The following SGCD variants were observed in gnomAD, a reference collection of about 807,000 sequenced individuals.
SGCD encodes the protein sarcoglycan delta, also known as delta-sarcoglycan.
SGCD carries 18 observed loss-of-function variants against 36.6 expected under a neutral mutation model. The observed-to-expected ratio is 0.49, with a 90% CI of 0.34 to 0.73. The LOEUF is 0.73. Among genes scored for constraint, SGCD ranks in the 30% least tolerant of loss-of-function variants. The probability of loss-of-function intolerance (pLI) is 0.01; values close to 1 mark genes in which losing one functional copy is unlikely to be tolerated. For missense variants in SGCD, 387 were observed against 346.7 expected (o/e 1.12, Z -0.92); for synonymous variants, 133 against 130.6 (o/e 1.02, Z -0.12).
At chr5:155,854,492 GA>G in the SGCD span, among the ~76,000 whole-genome samples, 2 of 152,014 alleles carry the variant, frequency 1.3e-5, no homozygotes, top group Non-Finnish European at 1.5e-5. Flanking sequence ...AATTTCTATG[GA>G]AAATTTGCCT....
At chr5:156,337,946 G>A (rs1463445800) in intron 2 of SGCD, among the ~76,000 whole-genome samples, 1 of 152,114 alleles carries the variant, frequency 6.6e-6, no homozygotes, top group African/African-American at 2.4e-5. Flanking sequence ...TGCACTCACA[G>A]CACCTACCCC....
At chr5:155,999,504 G>T (rs932541429) in intron 1 of SGCD, among the ~76,000 whole-genome samples, 2 of 152,134 alleles carry the variant, frequency 1.3e-5, no homozygotes, top group Non-Finnish European at 2.9e-5. Flanking sequence ...TATTTATCAA[G>T]AACTTATTCT....
At chr5:156,110,659 T>TAA (rs567366065) in intron 1 of SGCD, among the ~76,000 whole-genome samples, 1 of 146,296 alleles carries the variant, frequency 6.8e-6, no homozygotes, top group Non-Finnish European at 1.5e-5. Flanking sequence ...ACTGGCAACT[T>TAA]AAAAAAAAAA....
chr5:156,383,008 GC>G (rs1347415407), intron 3 of SGCD, among the ~76,000 whole-genome samples: 1 of 152,104 alleles, frequency 6.6e-6, no homozygotes, highest in African/African-American at 2.4e-5. Context: ...TGACCATCAG[GC>G]AATTTTATAA....
At position 156,423,323 on chromosome 5, in the gene SGCD, T is replaced by TATTTTATTATAATATAATATATTATA. The variant is rs1773475235; in HGVS notation, c.192+78663_192+78688dup. ...TAATATATTTTATTATAATATAATA[T>TATTTTATTATAATATAATATATTATA]ATTTTATTATAATATAATATATTAT... On this transcript the variant is annotated intron_variant, in intron 3 of 8. Coordinates refer to ENST00000337851, the MANE Select transcript of SGCD (RefSeq NM_000337.6). 5.9e-5 allele frequency among the ~76,000 whole-genome samples: 4 copies of TATTTTATTATAATATAATATATTATA among 68,210 alleles called. No individual in the cohort carries two copies. In the East Asian group the frequency reaches 1.6e-3, roughly 26 times the overall value. 44.7% of individuals were successfully genotyped at this position (68,210 alleles called of 152,430 possible). A position where few individuals can be genotyped will look rare whatever the true frequency, so the allele number is the denominator to read the frequency against.
Position 156,083,081 on chromosome 5 carries a change from T to A in SGCD, c.-281-34797T>A, listed in dbSNP as rs1196165527. 2.0e-5 allele frequency among the ~76,000 whole-genome samples: 3 copies of A among 152,194 alleles called. No individual in the cohort carries two copies. The East Asian group carries it at 5.8e-4, about 29-fold the overall frequency. On this transcript the variant is annotated intron_variant, in intron 1 of 9. Coordinates refer to the SGCD transcript ENST00000517913. ...TGTATATCTTCTCTGGTGAAATGTC[T>A]GTTTATGTCTTTTGCCCATTCTCTA...
intron 3 of SGCD, among the ~76,000 whole-genome samples, chr5:156,357,163 C>A (rs527868882): frequency 2.0e-5 from 3 of 152,298 alleles, no homozygotes; most frequent in East Asian, 1.9e-4. Context: ...GCAGTCACCA[C>A]ACCTGTATTG....
At chr5:155,918,109 T>C (rs180772575) in intron 1 of SGCD, among the ~76,000 whole-genome samples, 1 of 152,340 alleles carries the variant, frequency 6.6e-6, no homozygotes, top group East Asian at 1.9e-4. Flanking sequence ...TTCTTTTTCG[T>C]ATTTCACCTT....
chr5:156,677,593 C>T (rs896859682), intron 7 of SGCD, among the ~76,000 whole-genome samples: 5 of 151,920 alleles, frequency 3.3e-5, no homozygotes, highest in South Asian at 4.2e-4. Flanking sequence ...ATGTAAATGA[C>T]GAGTTAATGG....
In SGCD at chr5:155,953,046, CT is replaced by C. The variant is rs531179552; in HGVS notation, c.-282+82629del. Among the ~76,000 whole-genome samples the C allele has an allele frequency of 1.8e-4, 27 of 152,182 alleles. No individual in the cohort carries two copies. The East Asian group carries it at 5.0e-3, about 28-fold the overall frequency. On this transcript the variant is annotated intron_variant, in intron 1 of 9. Transcript: ENST00000517913. ...CACCACAGAAATATGCACAGAAAGGCTTTTTTTAATTCTGTGTTCATTTTTC... is the reference window on the plus strand; with the variant it reads ...CACCACAGAAATATGCACAGAAAGGCTTTTTTAATTCTGTGTTCATTTTTC...
At chr5:155,898,398 G>T (rs985031093) in intron 1 of SGCD, among the ~76,000 whole-genome samples, 3 of 152,132 alleles carry the variant, frequency 2.0e-5, no homozygotes, top group Non-Finnish European at 4.4e-5. Flanking sequence ...CTCTCAGCTG[G>T]ATAGTATGCT....
intron 3 of SGCD, among the ~76,000 whole-genome samples, chr5:156,494,339 T>TA (rs1756083168): frequency 6.6e-6 from 1 of 151,186 alleles, no homozygotes. Context: ...CCTCCTATTT[T>TA]TTTTTTTTTT....
At chr5:156,457,562 T>C (rs1041323560) in intron 3 of SGCD, among the ~76,000 whole-genome samples, 2 of 152,212 alleles carry the variant, frequency 1.3e-5, no homozygotes, top group African/African-American at 4.8e-5. Flanking sequence ...TTGTTTTGGC[T>C]CACATTCAGG....
intron 3 of SGCD, among the ~76,000 whole-genome samples, chr5:156,318,694 C>G (rs1473021883): frequency 1.3e-5 from 2 of 151,376 alleles, no homozygotes; most frequent in African/African-American, 4.9e-5. Context: ...CTCTCGGGTT[C>G]AAGTGATTCT....
intron 1 of SGCD, among the ~76,000 whole-genome samples, chr5:155,961,755 T>C (rs1757794628): frequency 6.6e-6 from 1 of 152,098 alleles, no homozygotes; most frequent in Non-Finnish European, 1.5e-5. Flanking sequence ...TGCTACGGAA[T>C]CACTTTTTAA....
At chr5:156,213,738 G>T (rs1178945704) in intron 3 of SGCD, among the ~76,000 whole-genome samples, 1 of 151,974 alleles carries the variant, frequency 6.6e-6, no homozygotes, top group Non-Finnish European at 1.5e-5. Context: ...CTAGCAAACT[G>T]AATTCAACAG....
chr5:156,690,723 G>C (rs1754075354), intron 7 of SGCD, among the ~76,000 whole-genome samples: 1 of 152,114 alleles, frequency 6.6e-6, no homozygotes, highest in Non-Finnish European at 1.5e-5. Context: ...AGAGTTAGAA[G>C]GCAATTTCAG....
At chr5:156,241,810 C>A (rs1765313246) in intron 3 of SGCD, among the ~76,000 whole-genome samples, 1 of 152,178 alleles carries the variant, frequency 6.6e-6, no homozygotes, top group Non-Finnish European at 1.5e-5. Flanking sequence ...GCAGCCCTTG[C>A]ACAATGTTTA....
intron 4 of SGCD, among the ~76,000 whole-genome samples, chr5:156,516,929 T>G (rs529577284): frequency 3.4e-4 from 52 of 151,974 alleles, no homozygotes; most frequent in African/African-American, 1.0e-3. Context: ...ACCCGGAAGG[T>G]GGAGGTTGCA....
Sources: allele counts gnomAD v4.1 joint callset (sites outside exome capture counted in the v4.1 genomes callset), GRCh38; gene constraint gnomAD v4.1.1; transcripts MANE v1.5; gene names NCBI Gene and HGNC (gene_info 2026-07-23, HGNC 2026-07-21).